Variants in FADS2 observed in about 807,000 individuals in gnomAD.
FADS2 encodes the protein acyl-CoA 6-desaturase.
Under a neutral mutation model 61.2 loss-of-function variants are expected in FADS2, and 18 were observed. The ratio of observed to expected loss-of-function variants is 0.29; its 90% CI spans 0.20 to 0.44. FADS2 has a LOEUF of 0.44. Among genes scored for constraint, FADS2 ranks in the 20% least tolerant of loss-of-function variants. The probability of loss-of-function intolerance (pLI) is 1.00; values close to 1 mark genes in which losing one functional copy is unlikely to be tolerated. For missense variants in FADS2, 322 were observed against 572.7 expected (o/e 0.56, Z 4.47); for synonymous variants, 203 against 223.9 (o/e 0.91, Z 0.83).
rs554014897 is a variant in FADS2, at chr11:61,848,625, T to C, written c.744+341T>C. The stretch of plus-strand genomic sequence containing the variant: ...CACAGCTCCTCATTAGAATGGTAGA[T>C]GTCTCCCTCCTACCCTTAGGCCAGG... On this transcript the variant is annotated intron_variant, in intron 5 of 11. Coordinates refer to ENST00000278840, the MANE Select transcript of FADS2 (RefSeq NM_004265.4). The C allele has an allele frequency of 2.5e-5, 6 of 237,858 alleles. No individual in the cohort carries two copies. The East Asian group carries it at 5.7e-4, about 23-fold the overall frequency. 14.7% of individuals were successfully genotyped at this position (237,858 alleles called of 1,614,324 possible). A position where few individuals can be genotyped will look rare whatever the true frequency, so the allele number is the denominator to read the frequency against.
At chr11:61,820,508 C>T (rs1456138529) in intron 1 of FADS2, among the ~76,000 whole-genome samples, 2 of 152,120 alleles carry the variant, frequency 1.3e-5, no homozygotes, top group Non-Finnish European at 2.9e-5. Flanking sequence ...ACCTCCCTAA[C>T]GAGCTTATAA....
intron 4 of FADS2, among the ~76,000 whole-genome samples, chr11:61,843,729 A>C (rs565973175): frequency 6.6e-6 from 1 of 151,992 alleles, no homozygotes; most frequent in Non-Finnish European, 1.5e-5. Context: ...CGTGATCTCA[A>C]CTCACTGAAA....
At position 61,828,878 on chromosome 11, in the gene FADS2, A is replaced by G. The variant is rs1444814039; in HGVS notation, c.207+281A>G. 5.3e-5 allele frequency among the ~76,000 whole-genome samples: 8 copies of G among 152,210 alleles called. No individual in the cohort carries two copies. Among genetic ancestry groups the G allele is most frequent in the Admixed American group, 4.6e-4 (7 of 15,292 alleles). On this transcript the variant is annotated intron_variant, in intron 1 of 11. Coordinates refer to ENST00000278840, the MANE Select transcript of FADS2 (RefSeq NM_004265.4). This position sits in a 1 kb window ranked among gnomAD's most constrained non-coding sequence, Gnocchi z 6.4. ...GCATCTACCGCGCGCGCCGGGACCC[A>G]CGCGTCCTCCCCTTCCTCGGGGTTT...
rs1340917207 is a variant in FADS2 at position 61,816,681 on chromosome 11, G to A, written c.141+255G>A. 1 of 1,589,684 alleles carries A rather than the reference G, an allele frequency of 6.3e-7. No individual in the cohort carries two copies. The highest frequency in any genetic ancestry group is 1.1e-5 in the South Asian group (1 of 87,758). ...ACCGCTCCTCGCACCCTGAGCGCTG[G>A]GCCACCTCGTCCCAGGTGAAGTAGC... On this transcript the variant is annotated intron_variant, in intron 1 of 11. Coordinates refer to the FADS2 transcript ENST00000257261. This position sits in a 1 kb window ranked among gnomAD's most constrained non-coding sequence, Gnocchi z 7.0.
At chr11:61,839,321 C>CT (rs1350454508) in intron 2 of FADS2, among the ~76,000 whole-genome samples, 3 of 150,406 alleles carry the variant, frequency 2.0e-5, no homozygotes, top group African/African-American at 7.4e-5. Context: ...CTTTTCTTTT[C>CT]TTTCTTTCTT....
At chr11:61,831,667 T>C (rs1264628269) in intron 1 of FADS2, among the ~76,000 whole-genome samples, 1 of 152,184 alleles carries the variant, frequency 6.6e-6, no homozygotes, top group Non-Finnish European at 1.5e-5. Flanking sequence ...CACATTCATA[T>C]GTATCACTTC....
Position 61,816,903 on chromosome 11 carries a change from G to C in FADS2, c.141+477G>C, listed in dbSNP as rs1160136780. On this transcript the variant is annotated intron_variant, in intron 1 of 11. Transcript: ENST00000257261. The surrounding 1 kb of genome is among the most constrained non-coding windows in gnomAD (Gnocchi z 7.0). Reference sequence around the variant, plus strand: ...GGTTTTCAGCACCGCAGGGCAGACCGGCGGGCCTCGCAGCGCGCGTTCCCA... The same window carrying C: ...GGTTTTCAGCACCGCAGGGCAGACCCGCGGGCCTCGCAGCGCGCGTTCCCA... 1.4e-6 allele frequency: 2 copies of C among 1,414,896 alleles called. No individual in the cohort carries two copies. Among genetic ancestry groups the C allele is most frequent in the South Asian group, 1.5e-5 (1 of 66,740 alleles). 87.6% of individuals were successfully genotyped at this position (1,414,896 alleles called of 1,614,324 possible).
intron 5 of FADS2, among the ~76,000 whole-genome samples, chr11:61,852,385 C>T (rs545504433): frequency 2.0e-5 from 3 of 152,234 alleles, no homozygotes; most frequent in Admixed American, 6.5e-5. Context: ...CTCAGCCTCC[C>T]GAGTAGCTGG....
In FADS2 at chr11:61,828,359, C is replaced by T; in HGVS notation, c.-32C>T. On this transcript the variant is annotated 5_prime_UTR_variant, in exon 1 of 12. Transcript: ENST00000278840. The surrounding 1 kb of genome is among the most constrained non-coding windows in gnomAD (Gnocchi z 6.4). ...GCGAGCAGCCGGCGCGGGGAGGCCG[C>T]AGTGCACGGGGCGTCACAGTCGGCA... The T allele has an allele frequency of 6.5e-7, 1 of 1,546,994 alleles. No homozygotes were observed. The highest frequency in any genetic ancestry group is 2.0e-5 in the Admixed American group (1 of 50,810).
At chr11:61,841,416 G>A (rs2067215647) in intron 4 of FADS2, among the ~76,000 whole-genome samples, 2 of 151,182 alleles carry the variant, frequency 1.3e-5, no homozygotes, top group African/African-American at 4.9e-5. Flanking sequence ...TTAATACGTT[G>A]TGCTGGGTGT....
intron 1 of FADS2, among the ~76,000 whole-genome samples, chr11:61,835,335 T>C (rs931999878): frequency 6.6e-6 from 1 of 151,734 alleles, no homozygotes; most frequent in African/African-American, 2.4e-5. Context: ...TGGGAGATCC[T>C]TACGTGTGGG....
In FADS2 at chr11:61,816,877, G is replaced by T; in HGVS notation, c.141+451G>T. On this transcript the variant is annotated intron_variant, in intron 1 of 11. Transcript: ENST00000257261. The surrounding 1 kb of genome is among the most constrained non-coding windows in gnomAD (Gnocchi z 7.0). ...GCCCAGAGCCAGCCGCCTGCGCGCC[G>T]GGTTTTCAGCACCGCAGGGCAGACC... 6.8e-7 allele frequency: 1 copy of T among 1,477,320 alleles called. No homozygotes were observed. The highest frequency in any genetic ancestry group is 8.9e-7 in the Non-Finnish European group (1 of 1,124,986). The allele number at this position is 1,477,320 out of a possible 1,614,324, so 91.5% of individuals were successfully genotyped here.
chr11:61,824,517 A>G (rs1472989011), upstream of FADS2, among the ~76,000 whole-genome samples: 89 of 111,650 alleles, frequency 8.0e-4, 3 homozygotes, highest in African/African-American at 2.0e-3. Context: ...GAAAGAAAGA[A>G]AGAAAGAAAG....
chr11:61,856,962 G>T (rs1390066347), intron 5 of FADS2, 49 bp from the exon 6 acceptor site: 14 of 1,474,022 alleles, frequency 9.5e-6, no homozygotes, highest in African/African-American at 2.8e-5. Flanking sequence ...AACATGGGAG[G>T]CTGGGAGCTG....
At position 61,840,603 on chromosome 11, in the gene FADS2, C is replaced by T. The variant is rs574244332; in HGVS notation, c.517-21C>T. On this transcript the variant is annotated intron_variant, in intron 3 of 11. Transcript: ENST00000278840. ...CCTGTTTGCTGAGGCTGTGACAGCA[C>T]GTGTGACCCTCTCTCCCCAGGCCCA... is the stretch of plus-strand genomic sequence containing the variant. 129 of 1,612,734 alleles carry T rather than the reference C, an allele frequency of 8.0e-5. 2 individuals are homozygous for T. The South Asian group carries it at 9.2e-4, about 12-fold the overall frequency.
intron 1 of FADS2, among the ~76,000 whole-genome samples, chr11:61,830,545 A>G (rs1032565258): frequency 3.9e-5 from 6 of 152,216 alleles, no homozygotes; most frequent in Non-Finnish European, 8.8e-5. Flanking sequence ...ATAAAAATGT[A>G]ATAGTCTCGT....
At chr11:61,860,068 C>T (rs1460883887) in intron 7 of FADS2, among the ~76,000 whole-genome samples, 1 of 152,264 alleles carries the variant, frequency 6.6e-6, no homozygotes, top group East Asian at 1.9e-4. Context: ...ATGGGGCTTT[C>T]AGAGCCAGGA....
At chr11:61,822,093 C>T (rs1218525607) in intron 1 of FADS2, among the ~76,000 whole-genome samples, 2 of 152,188 alleles carry the variant, frequency 1.3e-5, no homozygotes, top group African/African-American at 4.8e-5. Context: ...CCTCAGCCTC[C>T]TGAGTAGCTG....
intron 1 of FADS2, among the ~76,000 whole-genome samples, chr11:61,833,952 C>T (rs1204228396): frequency 6.6e-6 from 1 of 152,220 alleles, no homozygotes; most frequent in African/African-American, 2.4e-5. Flanking sequence ...AGGTGCAGGC[C>T]TTCCCAACTG....
Sources: gnomAD v4.1 joint callset for allele counts (sites outside exome capture counted in the v4.1 genomes callset) on GRCh38, gnomAD v4.1.1 for gene constraint, Gnocchi (gnomAD v3.1) non-coding constraint, MANE v1.5 for transcripts, NCBI Gene and HGNC (gene_info 2026-07-23, HGNC 2026-07-21) for gene names.